The following AJAP1 variants were observed in gnomAD, a reference collection of about 807,000 sequenced individuals.
AJAP1 encodes adherens junction-associated protein 1.
A neutral mutation model predicts 35.0 loss-of-function variants in AJAP1; 5 were observed. The ratio of observed to expected loss-of-function variants is 0.14; its 90% confidence interval spans 0.07 to 0.30. AJAP1 has a LOEUF of 0.30. Among genes scored for constraint, AJAP1 ranks in the 10% least tolerant of loss-of-function variants. AJAP1 has a pLI of 1.00. For missense variants in AJAP1, 586 were observed against 571.0 expected, an observed-to-expected ratio of 1.03 and a Z score of -0.27; for synonymous variants, 284 against 249.3, an observed-to-expected ratio of 1.14 and a Z score of -1.31.
At chr1:4,729,971 T>A (rs1640761443) in intron 2 of AJAP1, among the ~76,000 whole-genome samples, 1 of 152,030 alleles carries the variant, frequency 6.6e-6, no homozygotes. Flanking sequence ...AAAAGTACCC[T>A]CCCTTCCTTC....
intron 1 of AJAP1, among the ~76,000 whole-genome samples, chr1:4,659,204 A>C (rs1638947601): frequency 6.6e-6 from 1 of 152,230 alleles, no homozygotes; most frequent in Non-Finnish European, 1.5e-5. Context: ...TGTTTTAAAT[A>C]CGTAGTTGCC....
In AJAP1 at chr1:4,787,980, G is replaced by C; in HGVS notation, c.*5495G>C. 3.1e-6 allele frequency: 1 copy of C among 325,532 alleles called. No individual in the cohort carries two copies. Among genetic ancestry groups the C allele is most frequent in the Non-Finnish European group, 6.2e-6 (1 of 162,488 alleles). 20.2% of individuals were successfully genotyped at this position (325,532 alleles called of 1,614,324 possible). A position where few individuals can be genotyped will look rare whatever the true frequency, so the allele number is the denominator to read the frequency against. The stretch of plus-strand genomic sequence containing the variant: ...TTACTTTGGTGCAGTTTGTCAATTT[G>C]CTCTACCATACTGTTTTTTGATTAT... On this transcript the variant is annotated 3_prime_UTR_variant, in exon 6 of 6. Transcript: ENST00000378191.
At chr1:4,665,530 A>G (rs1386348171) in intron 1 of AJAP1, among the ~76,000 whole-genome samples, 1 of 151,916 alleles carries the variant, frequency 6.6e-6, no homozygotes, top group Non-Finnish European at 1.5e-5. Flanking sequence ...GAGCCGCCAC[A>G]CTCACTCCAA....
chr1:4,693,850 G>T lies in AJAP1; in HGVS notation c.30-18050G>T, dbSNP rs1639798085. 1.3e-5 allele frequency among the ~76,000 whole-genome samples: 2 copies of T among 152,148 alleles called. No individual in the cohort carries two copies. Among genetic ancestry groups the T allele is most frequent in the African/African-American group, 4.8e-5 (2 of 41,424 alleles). On this transcript the variant is annotated intron_variant, in intron 1 of 5. Coordinates refer to ENST00000378191, the MANE Select transcript of AJAP1 (RefSeq NM_018836.4). The surrounding 1 kb of genome is among the most constrained non-coding windows in gnomAD (Gnocchi z 4.4). ...AGGAACCCACTTGGGGGAGATAATG[G>T]CATTCAGCCATTCAAGGGGGCAGAG...
chr1:4,674,042 CAAAAAAAAAAAAAAA>C (rs57335438), intron 1 of AJAP1, among the ~76,000 whole-genome samples: 4 of 81,940 alleles, frequency 4.9e-5, no homozygotes, highest in African/African-American at 1.9e-4. Flanking sequence ...CCCCCGCCAC[CAAAAAAAAAAAAAAA>C]AAAAAAAAAG....
At chr1:4,707,149 C>T (rs1228289179) in intron 1 of AJAP1, among the ~76,000 whole-genome samples, 1 of 152,154 alleles carries the variant, frequency 6.6e-6, no homozygotes, top group Non-Finnish European at 1.5e-5. Flanking sequence ...CATGTGCCTG[C>T]AGCTCTGGGG....
chr1:4,789,225 T>A lies in AJAP1; in HGVS notation c.*6740T>A, dbSNP rs1642215301. The A allele has an allele frequency of 6.6e-6, 1 of 152,236 alleles. No individual in the cohort carries two copies. The highest frequency in any genetic ancestry group is 2.4e-5 in the African/African-American group (1 of 41,462). 9.4% of individuals were successfully genotyped at this position (152,236 alleles called of 1,614,324 possible). On this transcript the variant is annotated 3_prime_UTR_variant, in exon 6 of 6. Coordinates refer to ENST00000378191, the MANE Select transcript of AJAP1 (RefSeq NM_018836.4). The surrounding 1 kb of genome is among the most constrained non-coding windows in gnomAD (Gnocchi z 4.4). ...TGGCCATATAAATGACCTACTTGTCTTCTCATGTAGGCTGGAATCAGAACC... is the reference window on the plus strand; with the variant it reads ...TGGCCATATAAATGACCTACTTGTCATCTCATGTAGGCTGGAATCAGAACC...
chr1:4,685,342 C>T lies in AJAP1; in HGVS notation c.30-26558C>T, dbSNP rs574299313. ...TCAGCAGATCTTTGCATTTTAAATGCCGCCTGCATAGCCTCTCCACAGCGC... is the reference window on the plus strand; with the variant it reads ...TCAGCAGATCTTTGCATTTTAAATGTCGCCTGCATAGCCTCTCCACAGCGC... On this transcript the variant is annotated intron_variant, in intron 1 of 5. Coordinates refer to ENST00000378191, the MANE Select transcript of AJAP1 (RefSeq NM_018836.4). Among the ~76,000 whole-genome samples, 15 of 152,304 alleles carry T rather than the reference C, an allele frequency of 9.8e-5. No homozygotes were observed. In the South Asian group the frequency reaches 2.9e-3, roughly 29 times the overall value.
chr1:4,655,860 A>T lies in AJAP1; in HGVS notation c.29+406A>T, dbSNP rs1271860034. 1.3e-5 allele frequency among the ~76,000 whole-genome samples: 2 copies of T among 150,816 alleles called. No individual in the cohort carries two copies. The highest frequency in any genetic ancestry group is 3.0e-5 in the Non-Finnish European group (2 of 67,668). ...CGCGGGGGCCGGGGCTGCCGGGGAAAGCTAAAGCTCCGGGCTCCCAGCGAG... is the reference window on the plus strand; with the variant it reads ...CGCGGGGGCCGGGGCTGCCGGGGAATGCTAAAGCTCCGGGCTCCCAGCGAG... On this transcript the variant is annotated intron_variant, in intron 1 of 5. Coordinates refer to ENST00000378191, the MANE Select transcript of AJAP1 (RefSeq NM_018836.4). This position sits in a 1 kb window ranked among gnomAD's most constrained non-coding sequence, Gnocchi z 6.9.
chr1:4,685,144 C>G (rs1478374594), intron 1 of AJAP1, among the ~76,000 whole-genome samples: 3 of 152,276 alleles, frequency 2.0e-5, no homozygotes, highest in Non-Finnish European at 4.4e-5. Flanking sequence ...TTCTCAGCAC[C>G]AGAAATGCAG....
At chr1:4,757,979 G>A (rs904550128) in intron 2 of AJAP1, among the ~76,000 whole-genome samples, 2 of 152,092 alleles carry the variant, frequency 1.3e-5, no homozygotes, top group Admixed American at 1.3e-4. Flanking sequence ...CCCTCATGCT[G>A]TTTCTGTGAT....
chr1:4,740,661 C>T (rs1199221602), intron 2 of AJAP1, among the ~76,000 whole-genome samples: 12 of 151,372 alleles, frequency 7.9e-5, no homozygotes, highest in Admixed American at 5.3e-4. Context: ...TGGCGGGCGC[C>T]TGTAGTCCCA....
intron 2 of AJAP1, among the ~76,000 whole-genome samples, chr1:4,763,749 C>T (rs1166268151): frequency 6.6e-6 from 1 of 150,536 alleles, no homozygotes; most frequent in Non-Finnish European, 1.5e-5. Flanking sequence ...TACGCCCTTT[C>T]TCCCTCTCCC....
chr1:4,789,133 G>T lies in AJAP1; in HGVS notation c.*6648G>T, dbSNP rs1642214244. The T allele has an allele frequency of 6.6e-6, 1 of 152,176 alleles. No individual in the cohort carries two copies. The highest frequency in any genetic ancestry group is 2.4e-5 in the African/African-American group (1 of 41,432). 9.4% of individuals were successfully genotyped at this position (152,176 alleles called of 1,614,324 possible). The stretch of plus-strand genomic sequence containing the variant: ...AAATTGGGCCAAGCTTGCCCATGTG[G>T]GACACACAGGTTTATAGAGATTAAA... On this transcript the variant is annotated 3_prime_UTR_variant, in exon 6 of 6. Coordinates refer to ENST00000378191, the MANE Select transcript of AJAP1 (RefSeq NM_018836.4). The surrounding 1 kb of genome is among the most constrained non-coding windows in gnomAD (Gnocchi z 4.4).
At chr1:4,752,316 G>A (rs1303991459) in intron 2 of AJAP1, among the ~76,000 whole-genome samples, 1 of 151,970 alleles carries the variant, frequency 6.6e-6, no homozygotes, top group Non-Finnish European at 1.5e-5. Flanking sequence ...AATTTCCCCA[G>A]GAAAGATGTC....
At chr1:4,662,195 A>G (rs919618783) in intron 1 of AJAP1, among the ~76,000 whole-genome samples, 4 of 152,180 alleles carry the variant, frequency 2.6e-5, no homozygotes, top group Admixed American at 6.5e-5. Context: ...GTCCAGTTTC[A>G]GCACGGTTGC....
intron 1 of AJAP1, among the ~76,000 whole-genome samples, chr1:4,671,647 C>T (rs1639252555): frequency 6.6e-6 from 1 of 152,164 alleles, no homozygotes; most frequent in Non-Finnish European, 1.5e-5. Flanking sequence ...CTCTTCCAGT[C>T]CTGTGACTGC....
intron 1 of AJAP1, among the ~76,000 whole-genome samples, chr1:4,657,731 G>C (rs1260140231): frequency 1.5e-5 from 2 of 136,706 alleles, no homozygotes; most frequent in Non-Finnish European, 3.2e-5. Context: ...GGTGGGGGTG[G>C]GGTGGGCTTT....
chr1:4,764,689 G>A (rs540858232), intron 2 of AJAP1, among the ~76,000 whole-genome samples: 25 of 152,220 alleles, frequency 1.6e-4, no homozygotes, highest in East Asian at 1.5e-3. Flanking sequence ...AGACGCTCCC[G>A]ATTTCTGCAT....
Sources: gnomAD v4.1 joint callset for allele counts (sites outside exome capture counted in the v4.1 genomes callset) on GRCh38, gnomAD v4.1.1 for gene constraint, Gnocchi (gnomAD v3.1) non-coding constraint, MANE v1.5 for transcripts, NCBI Gene and HGNC (gene_info 2026-07-23, HGNC 2026-07-21) for gene names.